Variants in MAP1A observed in about 807,000 individuals in gnomAD.
MAP1A encodes microtubule associated protein 1A.
MAP1A carries 42 observed loss-of-function variants against 185.9 expected under a neutral mutation model. That is an observed-to-expected ratio of 0.23 (90% confidence interval 0.18 to 0.29). The LOEUF (loss-of-function observed/expected upper bound fraction) is 0.29, where lower values mean the gene tolerates loss of function less well. MAP1A is among the 10% of genes least tolerant of loss of function. The pLI is 1.00. For synonymous variants in MAP1A, 1,229 were observed against 1,335.9 expected, an observed-to-expected ratio of 0.92 and a Z score of 1.74; for missense variants, 2,995 against 3,450.4, an observed-to-expected ratio of 0.87 and a Z score of 3.31.
At position 43,522,158 on chromosome 15, in the gene MAP1A, A is replaced by G. The variant is rs779272678; in HGVS notation, c.685A>G (p.Ile229Val). Residue 229 changes from isoleucine (I) to valine (V), a missense_variant, in exon 4 of 6, where the codon ATC (isoleucine) becomes GTC (valine). Around this residue, in one of 3 missense-constraint regions of MAP1A, gnomAD observed 264 missense variants for 435.3 expected, o/e 0.61. Transcript: ENST00000300231. The surrounding 1 kb of genome is among the most constrained non-coding windows in gnomAD (Gnocchi z 5.9). ...AGGCAATAGTAAAGCCAAGACAGGCATCGTGCTGCCCAATGGGAAGGAGGC... is the reference window on the plus strand; with the variant it reads ...AGGCAATAGTAAAGCCAAGACAGGCGTCGTGCTGCCCAATGGGAAGGAGGC... ...WAGNSKAKTG[I>V]VLPNGKEAEI... 6.2e-7 allele frequency: 1 copy of G among 1,614,264 alleles called. No individual in the cohort carries two copies. Among genetic ancestry groups the G allele is most frequent in the Non-Finnish European group, 8.5e-7 (1 of 1,180,050 alleles).
intron 1 of MAP1A, among the ~76,000 whole-genome samples, chr15:43,519,303 G>T (rs1257336137): frequency 1.3e-5 from 2 of 152,170 alleles, no homozygotes; most frequent in Non-Finnish European, 2.9e-5. Flanking sequence ...GCTGTATGGG[G>T]TTTGGTCTTC....
At position 43,527,548 on chromosome 15, in the gene MAP1A, C is replaced by T; in HGVS notation, c.6075C>T (p.Ser2025=). The change falls in exon 4 of 6, where the codon AGC becomes AGT. Residue 2025 remains serine (S), a synonymous_variant. Transcript: ENST00000300231. ...KELSSPISPK[S]LQSDTPTFSY... is the part of the protein sequence containing the mutation. ...TTTCATCTCCTATCTCACCCAAGAG[C>T]CTCCAGTCTGACACTCCAACCTTCA... 1 of 1,614,114 alleles carries T rather than the reference C, an allele frequency of 6.2e-7. No individual in the cohort carries two copies. Among genetic ancestry groups the T allele is most frequent in the South Asian group, 1.1e-5 (1 of 91,088 alleles).
chr15:43,512,129 C>T, intron 1 of MAP1A: 1 of 900,184 alleles, frequency 1.1e-6, no homozygotes, highest in South Asian at 1.4e-5. Context: ...AGTGTTCCTG[C>T]AGTCTCACCA....
At position 43,529,594 on chromosome 15, in the gene MAP1A, G is replaced by T. The variant is rs1019741553; in HGVS notation, c.8036-56G>T. ...ACTTCAGGAGTGGGACAGAGGGGAA[G>T]GTTGCCAAAAGGGTTCTACTTTTCC... is the stretch of plus-strand genomic sequence containing the variant. On this transcript the variant is annotated intron_variant, in intron 4 of 5. Coordinates refer to ENST00000300231, the MANE Select transcript of MAP1A (RefSeq NM_002373.6). This position sits in a 1 kb window ranked among gnomAD's most constrained non-coding sequence, Gnocchi z 4.3. 4 of 1,607,922 alleles carry T rather than the reference G, an allele frequency of 2.5e-6. No homozygotes were observed. Among genetic ancestry groups the T allele is most frequent in the East Asian group, 2.2e-5 (1 of 44,828 alleles).
intron 1 of MAP1A, among the ~76,000 whole-genome samples, chr15:43,511,671 G>A (rs1189016015): frequency 6.6e-6 from 1 of 152,206 alleles, no homozygotes; most frequent in South Asian, 2.1e-4. Context: ...CAACCACTAA[G>A]TGACCTTCGT....
chr15:43,512,199 C>G lies in MAP1A; in HGVS notation c.248C>G (p.Ser83Cys), dbSNP rs776385494. 1.2e-5 allele frequency: 19 copies of G among 1,544,908 alleles called. No individual in the cohort carries two copies. In the African/African-American group the frequency reaches 2.1e-4, roughly 17 times the overall value. Reference sequence around the variant, plus strand: ...TGTTTTTCTCCCACAGGGATTCTCTCCTGGAACATTGACCTGTCATCCTTT... The same window carrying G: ...TGTTTTTCTCCCACAGGGATTCTCTGCTGGAACATTGACCTGTCATCCTTT... Residue 83 changes from serine to cysteine, a missense_variant, in exon 2 of 7, where the codon TCC (serine) becomes TGC (cysteine). Transcript: ENST00000382031.
At chr15:43,514,595 C>T (rs2079291916), upstream of MAP1A, among the ~76,000 whole-genome samples, 1 of 152,214 alleles carries the variant, frequency 6.6e-6, no homozygotes. Context: ...GGAGAGTGCA[C>T]TTATTCCTAG....
At chr15:43,514,797 T>C (rs1290783191), upstream of MAP1A, among the ~76,000 whole-genome samples, 1 of 152,228 alleles carries the variant, frequency 6.6e-6, no homozygotes, top group African/African-American at 2.4e-5. Context: ...AGCATTCTAA[T>C]ACAAATTCAG....
rs758214217 is a variant in MAP1A, at chr15:43,529,187, C to T, written c.7714C>T (p.Pro2572Ser). The T allele has an allele frequency of 1.3e-5, 21 of 1,612,498 alleles. No homozygotes were observed. Among genetic ancestry groups the T allele is most frequent in the Non-Finnish European group, 1.3e-5 (15 of 1,179,508 alleles). Reference protein sequence around the residue: ...PLPQPDPRPSPPRPDVCMADP... With the variant: ...PLPQPDPRPSSPRPDVCMADP... ...CCCACAGCCAGACCCCCGCCCATCC[C>T]CTCCCCGCCCTGATGTGTGCATGGC... The change falls in exon 4 of 6, where the codon CCT becomes TCT. Residue 2572 changes from proline (P) to serine (S), a missense_variant. This residue lies in a region of MAP1A where 2,728 missense variants were observed against 2,986.0 expected (regional missense o/e 0.91). Coordinates refer to ENST00000300231, the MANE Select transcript of MAP1A (RefSeq NM_002373.6). This position sits in a 1 kb window ranked among gnomAD's most constrained non-coding sequence, Gnocchi z 4.3.
At chr15:43,512,874 A>C (rs2079286998), upstream of MAP1A, among the ~76,000 whole-genome samples, 1 of 152,072 alleles carries the variant, frequency 6.6e-6, no homozygotes, top group African/African-American at 2.4e-5. Context: ...ATCAAGTTGT[A>C]CTCTGAGATT....
intron 1 of MAP1A, among the ~76,000 whole-genome samples, chr15:43,511,705 C>T (rs2079279646): frequency 6.6e-6 from 1 of 152,220 alleles, no homozygotes; most frequent in Admixed American, 6.5e-5. Context: ...TAAGTCCTCA[C>T]CTCCTTCCCC....
At position 43,529,110 on chromosome 15, in the gene MAP1A, G is replaced by T; in HGVS notation, c.7637G>T (p.Gly2546Val). ...GACTTCCTACCTGTGGACAAAGCTG[G>T]GGGTGTCAGTGGTACTCACCACCCC... is the stretch of plus-strand genomic sequence containing the variant. ...DGDFLPVDKA[G>V]GVSGTHHPRP... is the part of the protein sequence containing the mutation. The change falls in exon 4 of 6, where the codon GGG becomes GTG. Residue 2546 changes from glycine (G) to valine (V), a missense_variant. Around this residue, in one of 3 missense-constraint regions of MAP1A, gnomAD observed 2,728 missense variants for 2,986.0 expected, o/e 0.91. Coordinates refer to ENST00000300231, the MANE Select transcript of MAP1A (RefSeq NM_002373.6). The surrounding 1 kb of genome is among the most constrained non-coding windows in gnomAD (Gnocchi z 4.3). 6.2e-7 allele frequency: 1 copy of T among 1,613,676 alleles called. No homozygotes were observed. The highest frequency in any genetic ancestry group is 8.5e-7 in the Non-Finnish European group (1 of 1,179,934).
In MAP1A at chr15:43,523,763, G is replaced by C; in HGVS notation, c.2290G>C (p.Ala764Pro). The change falls in exon 4 of 6, where the codon GCT (alanine) becomes CCT (proline). Residue 764 changes from alanine (A) to proline (P), a missense_variant. Physicochemically the swap from Ala to Pro is conservative, Grantham distance 27 (BLOSUM62 -1). Transcript: ENST00000300231. ...CCATGATGAGCCGGAGGAGCGCCCA[G>C]CTCCACCCAGATTTCATACAAGTAC... Reference protein sequence around the residue: ...EIHDEPEERPAPPRFHTSTYD... With the variant: ...EIHDEPEERPPPPRFHTSTYD... 3.1e-6 allele frequency: 5 copies of C among 1,614,078 alleles called. No homozygotes were observed. The highest frequency in any genetic ancestry group is 1.1e-5 in the South Asian group (1 of 91,086).
chr15:43,527,683 C>T lies in MAP1A; in HGVS notation c.6210C>T (p.Ser2070=). Residue 2070 remains serine (S), a synonymous_variant, in exon 4 of 6, where the codon AGC becomes AGT. Coordinates refer to ENST00000300231, the MANE Select transcript of MAP1A (RefSeq NM_002373.6). Reference sequence around the variant, plus strand: ...TTCCCCCCCGTGCTCCTATCCTGAGCAAAGGCCCAAGCCCCCCTCTTAATG... The same window carrying T: ...TTCCCCCCCGTGCTCCTATCCTGAGTAAAGGCCCAAGCCCCCCTCTTAATG... ...PAVPPRAPIL[S]KGPSPPLNGN... is the part of the protein sequence containing the mutation. 1 of 1,611,336 alleles carries T rather than the reference C, an allele frequency of 6.2e-7. No homozygotes were observed. Among genetic ancestry groups the T allele is most frequent in the Non-Finnish European group, 8.5e-7 (1 of 1,178,854 alleles).
chr15:43,516,552 C>T (rs924247822), upstream of MAP1A, among the ~76,000 whole-genome samples: 6 of 152,086 alleles, frequency 3.9e-5, no homozygotes, highest in African/African-American at 1.4e-4. Context: ...GCATGAGCAT[C>T]CTCGGGTTGG....
At chr15:43,513,252 G>A (rs1315705145), upstream of MAP1A, among the ~76,000 whole-genome samples, 3 of 152,064 alleles carry the variant, frequency 2.0e-5, no homozygotes, top group South Asian at 2.1e-4. Flanking sequence ...GCTTGAACCC[G>A]GGAGGCAGAG....
At chr15:43,519,278 T>G (rs2079310623) in intron 1 of MAP1A, among the ~76,000 whole-genome samples, 1 of 152,182 alleles carries the variant, frequency 6.6e-6, no homozygotes, top group South Asian at 2.1e-4. Flanking sequence ...TGAATTCCCC[T>G]TTGGCCCAAC....
intron 1 of MAP1A, among the ~76,000 whole-genome samples, chr15:43,518,804 C>T (rs996177622): frequency 6.6e-6 from 1 of 151,470 alleles, no homozygotes; most frequent in African/African-American, 2.4e-5. Flanking sequence ...AGTCAGTTCC[C>T]TTCAGTGAGA....
At position 43,529,811 on chromosome 15, in the gene MAP1A, A is replaced by G; in HGVS notation, c.8197A>G (p.Ser2733Gly). Residue 2733 changes from serine (S) to glycine (G), a missense_variant, in exon 5 of 6, where the codon AGC becomes GGC. Ser to Gly is a moderately conservative substitution (Grantham distance 56). Coordinates refer to ENST00000300231, the MANE Select transcript of MAP1A (RefSeq NM_002373.6). The surrounding 1 kb of genome is among the most constrained non-coding windows in gnomAD (Gnocchi z 4.3). ...GAATGACCCTGCCAATGGCGAGCCAAGCCGGGCTGTGCTGGATGCCCTGCT... is the reference window on the plus strand; with the variant it reads ...GAATGACCCTGCCAATGGCGAGCCAGGCCGGGCTGTGCTGGATGCCCTGCT... ...SGNDPANGEPSRAVLDALLEG... is the reference protein window; with the variant it reads ...SGNDPANGEPGRAVLDALLEG... 6.2e-7 allele frequency: 1 copy of G among 1,614,176 alleles called. No individual in the cohort carries two copies. Among genetic ancestry groups the G allele is most frequent in the Non-Finnish European group, 8.5e-7 (1 of 1,180,046 alleles).
Sources: gnomAD v4.1 joint callset for allele counts (sites outside exome capture counted in the v4.1 genomes callset) on GRCh38, gnomAD v4.1.1 for gene constraint, gnomAD v4.1.1 regional missense constraint, Gnocchi (gnomAD v3.1) non-coding constraint, MANE v1.5 for transcripts, NCBI Gene and HGNC (gene_info 2026-07-23, HGNC 2026-07-21) for gene names.